The following STK11IP variants were observed in gnomAD, a reference collection of about 807,000 sequenced individuals.
STK11IP encodes the protein serine/threonine-protein kinase 11-interacting protein.
STK11IP carries 103 observed loss-of-function variants against 131.7 expected under a neutral mutation model. The ratio of observed to expected loss-of-function variants is 0.78; its 90% CI spans 0.67 to 0.92. The LOEUF (loss-of-function observed/expected upper bound fraction) is 0.92, where lower values mean the gene tolerates loss of function less well. STK11IP is among the 40% of genes least tolerant of loss of function. STK11IP has a pLI of 0.00. For synonymous variants in STK11IP, 557 were observed against 575.6 expected (o/e 0.97, Z 0.46); for missense variants, 1,315 against 1,385.7 (o/e 0.95, Z 0.81).
In STK11IP at chr2:219,611,773, C is replaced by G. The variant is rs753252271; in HGVS notation, c.2274C>G (p.Ala758=). ...GCCATGGTGACCACCTTGACAGGGC[C>G]AAGAACAGCCCACCTCAGGCACCGA... ...PPGHGDHLDR[A]KNSPPQAPST... Residue 758 remains alanine, a synonymous_variant, in exon 18 of 25, where the codon GCC becomes GCG. Transcript: ENST00000456909. 3.1e-6 allele frequency: 5 copies of G among 1,612,942 alleles called. No homozygotes were observed. The highest frequency in any genetic ancestry group is 1.1e-5 in the South Asian group (1 of 91,086).
rs536498665 is a variant in STK11IP, at chr2:219,610,392, C to G, written c.2104+852C>G. ...TGAACATTACTGTGGGCTCTGTTCT[C>G]CTTTAATTTTTTTTTTTCTTTTTTT... is the stretch of plus-strand genomic sequence containing the variant. On this transcript the variant is annotated intron_variant, in intron 17 of 24. Coordinates refer to ENST00000456909, the MANE Select transcript of STK11IP (RefSeq NM_052902.4). 8.2e-4 allele frequency among the ~76,000 whole-genome samples: 98 copies of G among 119,478 alleles called. No individual in the cohort carries two copies. The East Asian group carries it at 0.027, about 33-fold the overall frequency. 78.4% of individuals were successfully genotyped at this position (119,478 alleles called of 152,430 possible).
At chr2:219,599,394 C>G (rs1246899061) in intron 2 of STK11IP, among the ~76,000 whole-genome samples, 3 of 152,184 alleles carry the variant, frequency 2.0e-5, no homozygotes, top group Admixed American at 6.5e-5. Context: ...TGGCCAGTAG[C>G]AGTTTCATTT....
At chr2:219,602,603 C>A (rs770275122) in intron 6 of STK11IP, 28 bp downstream of exon 6, 11 of 1,612,024 alleles carry the variant, frequency 6.8e-6, no homozygotes, top group Non-Finnish European at 9.3e-6. Flanking sequence ...AAGAGGGTTT[C>A]GAGGAAGGGC....
rs765164583 is a variant in STK11IP at position 219,601,441 on chromosome 2, G to A, written c.267+1G>A. On this transcript the variant is annotated splice_donor_variant, in intron 3 of 24. Coordinates refer to ENST00000456909, the MANE Select transcript of STK11IP (RefSeq NM_052902.4). LOFTEE classifies it high-confidence loss of function. ...GCTGCAGAAAACACTTTCACTCAAG[G>A]TTCTGGGTGTGGGGAAGAGGCAGGA... The A allele has an allele frequency of 3.1e-6, 5 of 1,613,980 alleles. No individual in the cohort carries two copies. Among genetic ancestry groups the A allele is most frequent in the Non-Finnish European group, 4.2e-6 (5 of 1,179,866 alleles).
rs1038851406 is a variant in STK11IP at position 219,616,441 on chromosome 2, T to A, written c.*248T>A. ...TTTCTCAGGTATCAATAAAGTTGTT[T>A]CCAACTCATAGGTCATGTGTGGTAC... On this transcript the variant is annotated 3_prime_UTR_variant, in exon 25 of 25. Transcript: ENST00000456909. The A allele has an allele frequency of 6.3e-6, 3 of 479,004 alleles. No individual in the cohort carries two copies. The highest frequency in any genetic ancestry group is 5.8e-5 in the African/African-American group (3 of 51,980). The allele number at this position is 479,004 out of a possible 1,614,324, so 29.7% of individuals were successfully genotyped here.
chr2:219,615,339 G>C lies in STK11IP; in HGVS notation c.3115G>C (p.Glu1039Gln), dbSNP rs1297572286. 1 of 1,600,310 alleles carries C rather than the reference G, an allele frequency of 6.2e-7. No homozygotes were observed. Among genetic ancestry groups the C allele is most frequent in the Non-Finnish European group, 8.5e-7 (1 of 1,178,708 alleles). The change falls in exon 24 of 25, where the codon GAG (glutamate) becomes CAG (glutamine). Residue 1039 changes from glutamate (E) to glutamine (Q), a missense_variant and splice_region_variant. Coordinates refer to ENST00000456909, the MANE Select transcript of STK11IP (RefSeq NM_052902.4). ...GGACTTGCGGCTGCTCTTCTACGATGAGGTGTGTATGTGTATCTCCAGTGA... is the reference window on the plus strand; with the variant it reads ...GGACTTGCGGCTGCTCTTCTACGATCAGGTGTGTATGTGTATCTCCAGTGA... ...PEDLRLLFYD[E>Q]VSRLESFWAL...
At position 219,609,121 on chromosome 2, in the gene STK11IP, C is replaced by T; in HGVS notation, c.1834C>T (p.Pro612Ser). Reference protein sequence around the residue: ...PTGSDLLPGAPILSLRFSYIC... With the variant: ...PTGSDLLPGASILSLRFSYIC... The stretch of plus-strand genomic sequence containing the variant: ...GGGCTCAGATCTGCTCCCTGGAGCC[C>T]CCATCCTCAGTCTGCGCTTCTCCTA... Residue 612 changes from proline to serine, a missense_variant, in exon 16 of 25, where the codon CCC becomes TCC. Transcript: ENST00000456909. 1 of 1,605,756 alleles carries T rather than the reference C, an allele frequency of 6.2e-7. No individual in the cohort carries two copies. Among genetic ancestry groups the T allele is most frequent in the Non-Finnish European group, 8.5e-7 (1 of 1,176,314 alleles).
At chr2:219,609,737 A>C in intron 17 of STK11IP, 197 bp downstream of exon 17, 5 of 541,570 alleles carry the variant, frequency 9.2e-6, no homozygotes, top group East Asian at 3.2e-5. Context: ...AGAAGAAACT[A>C]TATCCTGTTT....
At position 219,602,717 on chromosome 2, in the gene STK11IP, G is replaced by A. The variant is rs2106148704; in HGVS notation, c.559G>A (p.Ala187Thr). 1.2e-6 allele frequency: 2 copies of A among 1,613,334 alleles called. No homozygotes were observed. Among genetic ancestry groups the A allele is most frequent in the East Asian group, 4.5e-5 (2 of 44,886 alleles). Reference protein sequence around the residue: ...ALDSSLRLLSALRFLNLSHNQ... With the variant: ...ALDSSLRLLSTLRFLNLSHNQ... ...CCGTCTCTCTCAGCGCCTCTTGTCAGCTCTGCGTTTCTTGAACCTAAGCCA... is the reference window on the plus strand; with the variant it reads ...CCGTCTCTCTCAGCGCCTCTTGTCAACTCTGCGTTTCTTGAACCTAAGCCA... The change falls in exon 7 of 25, where the codon GCT becomes ACT. Residue 187 changes from alanine to threonine, a missense_variant. By Grantham distance (58) the Ala-to-Thr change is moderately conservative. Coordinates refer to ENST00000456909, the MANE Select transcript of STK11IP (RefSeq NM_052902.4).
Position 219,615,089 on chromosome 2 carries a change from T to G in STK11IP, c.2870-5T>G, listed in dbSNP as rs1698530947. The stretch of plus-strand genomic sequence containing the variant: ...CTTCCACACTGGATGCCTCTTTCCC[T>G]GCAGGCCCTTCCACCTGCCTCGTAT... On this transcript the variant is annotated splice_region_variant and splice_polypyrimidine_tract_variant and intron_variant, in intron 23 of 24. Coordinates refer to ENST00000456909, the MANE Select transcript of STK11IP (RefSeq NM_052902.4). 6.2e-7 allele frequency: 1 copy of G among 1,607,226 alleles called. No homozygotes were observed.
chr2:219,612,375 AG>A (rs1450938641), intron 19 of STK11IP, among the ~76,000 whole-genome samples: 1 of 152,246 alleles, frequency 6.6e-6, no homozygotes, highest in Non-Finnish European at 1.5e-5. Flanking sequence ...TGATGTCGTT[AG>A]GCCTTTGTTG....
chr2:219,600,957 G>A (rs1697964920), intron 2 of STK11IP, among the ~76,000 whole-genome samples: 1 of 152,180 alleles, frequency 6.6e-6, no homozygotes, highest in Non-Finnish European at 1.5e-5. Flanking sequence ...AGTAGATGAG[G>A]CTCTTTTGAG....
chr2:219,606,502 A>G lies in STK11IP; in HGVS notation c.972A>G (p.Ser324=), dbSNP rs2106154644. 6.2e-7 allele frequency: 1 copy of G among 1,612,454 alleles called. No homozygotes were observed. Among genetic ancestry groups the G allele is most frequent in the East Asian group, 2.2e-5 (1 of 44,838 alleles). The change falls in exon 11 of 25, where the codon TCA becomes TCG. Residue 324 remains serine, a synonymous_variant. Transcript: ENST00000456909. ...TCCTTCTCGATGGCAAGGTCTTGTC[A>G]CTGACAGATTTTCAGGTCGGTGTGG... ...TGFLLDGKVL[S]LTDFQTHTSL...
chr2:219,606,892 G>A (rs1014282599), intron 12 of STK11IP, 34 bp downstream of exon 12: 6 of 1,595,218 alleles, frequency 3.8e-6, no homozygotes, highest in Non-Finnish European at 5.1e-6. Flanking sequence ...TGTGCCTGCG[G>A]TTGGGTGTCT....
At chr2:219,598,936 T>C (rs1407489995) in intron 2 of STK11IP, among the ~76,000 whole-genome samples, 2 of 152,196 alleles carry the variant, frequency 1.3e-5, no homozygotes, top group African/African-American at 4.8e-5. Flanking sequence ...TAAGATGGGG[T>C]TAATAGTGCT....
Position 219,614,234 on chromosome 2 carries a change from C to T in STK11IP, c.2790C>T (p.His930=). ...CAGAGGAGGAGGTCACCCCCCAGCA[C>T]CGGCTCTGGTGAGTCGATAGGAGGC... is the stretch of plus-strand genomic sequence containing the variant. The part of the protein sequence containing the change: ...SATEEEVTPQ[H]RLWPLLEKDS... Residue 930 remains histidine, a synonymous_variant, in exon 22 of 25, where the codon CAC becomes CAT. Coordinates refer to ENST00000456909, the MANE Select transcript of STK11IP (RefSeq NM_052902.4). The T allele has an allele frequency of 1.2e-6, 2 of 1,613,340 alleles. No homozygotes were observed. Among genetic ancestry groups the T allele is most frequent in the South Asian group, 1.1e-5 (1 of 91,084 alleles).
In STK11IP at chr2:219,607,037, C is replaced by G. The variant is rs755810134; in HGVS notation, c.1135-16C>G. 4 of 1,613,848 alleles carry G rather than the reference C, an allele frequency of 2.5e-6. No homozygotes were observed. Among genetic ancestry groups the G allele is most frequent in the Non-Finnish European group, 3.4e-6 (4 of 1,179,864 alleles). On this transcript the variant is annotated splice_polypyrimidine_tract_variant and intron_variant, in intron 12 of 24. Transcript: ENST00000456909. ...GGCTTGGCTTTCACAGAACTTCTTC[C>G]CTCCACCAACCTCAGAGCCGAGTCC... is the stretch of plus-strand genomic sequence containing the variant.
rs1278694347 is a variant in STK11IP at position 219,608,742 on chromosome 2, C to A, written c.1763C>A (p.Ala588Asp). Residue 588 changes from alanine (A) to aspartate (D), a missense_variant, in exon 15 of 25, where the codon GCT (alanine) becomes GAT (aspartate). Transcript: ENST00000456909. ...CTGGAGCTCCAGAGTCTGGAGGCAG[C>A]TGAGATAGAGCCGGAGGCCCAGGCC... ...ERLELQSLEA[A>D]EIEPEAQAQR... is the part of the protein sequence containing the mutation. 3 of 1,612,028 alleles carry A rather than the reference C, an allele frequency of 1.9e-6. No homozygotes were observed. The highest frequency in any genetic ancestry group is 3.3e-5 in the Admixed American group (2 of 59,782).
rs1271969367 is a variant in STK11IP at position 219,606,456 on chromosome 2, C to T, written c.946-20C>T. The stretch of plus-strand genomic sequence containing the variant: ...GATGGGCCTACCACATACTCCCTCC[C>T]CCTTTTTGTCTTTGCTCAGTTCCTT... On this transcript the variant is annotated intron_variant, in intron 10 of 24. Transcript: ENST00000456909. 4 of 1,608,782 alleles carry T rather than the reference C, an allele frequency of 2.5e-6. No individual in the cohort carries two copies. Among genetic ancestry groups the T allele is most frequent in the African/African-American group, 2.7e-5 (2 of 74,872 alleles).
Sources: allele counts gnomAD v4.1 joint callset (sites outside exome capture counted in the v4.1 genomes callset), GRCh38; gene constraint gnomAD v4.1.1; transcripts MANE v1.5; gene names NCBI Gene and HGNC (gene_info 2026-07-23, HGNC 2026-07-21).